The following QPCTL variants were observed in gnomAD, a reference collection of about 807,000 sequenced individuals.
QPCTL encodes glutaminyl-peptide cyclotransferase-like protein.
In QPCTL, 31 loss-of-function variants were observed where a neutral mutation model predicts 34.6. That is an observed-to-expected ratio of 0.90 (90% CI 0.67 to 1.21). The LOEUF (loss-of-function observed/expected upper bound fraction) is 1.21. Ranked by LOEUF, QPCTL falls within the 50% of genes most tolerant of loss-of-function variation. The pLI is 0.00. For missense variants in QPCTL, 474 were observed against 507.8 expected (o/e 0.93, Z 0.64); for synonymous variants, 223 against 226.9 (o/e 0.98, Z 0.15).
At position 45,701,806 on chromosome 19, in the gene QPCTL, C is replaced by A; in HGVS notation, c.895C>A (p.Leu299Met). Residue 299 changes from leucine (L) to methionine (M), a missense_variant, in exon 6 of 7, where the codon CTG (leucine) becomes ATG (methionine). Coordinates refer to ENST00000012049, the MANE Select transcript of QPCTL (RefSeq NM_017659.4). ...FHRLRSIEKRLHRLNLLQSHP... is the reference protein window; with the variant it reads ...FHRLRSIEKRMHRLNLLQSHP... ...ATCGCCCCCACTTCCAGAGAAGCGT[C>A]TGCACCGTTTGAACCTGCTGCAGTC... The A allele has an allele frequency of 6.2e-7, 1 of 1,613,474 alleles. No individual in the cohort carries two copies. Among genetic ancestry groups the A allele is most frequent in the Non-Finnish European group, 8.5e-7 (1 of 1,179,550 alleles).
At chr19:45,697,714 C>G (rs1251340304) in intron 3 of QPCTL, among the ~76,000 whole-genome samples, 1 of 152,164 alleles carries the variant, frequency 6.6e-6, no homozygotes, top group African/African-American at 2.4e-5. Flanking sequence ...TCCCAAAAGA[C>G]CCAACGCCCT....
At position 45,692,772 on chromosome 19, in the gene QPCTL, G is replaced by T. The variant is rs1389359216; in HGVS notation, c.69G>T (p.Leu23Phe). 6.3e-7 allele frequency: 1 copy of T among 1,590,158 alleles called. No individual in the cohort carries two copies. Among genetic ancestry groups the T allele is most frequent in the Non-Finnish European group, 8.6e-7 (1 of 1,168,428 alleles). ...AACGTGGCCTCATGGAGCCACTCTT[G>T]CCGCCGAAGCGCCGCCTGCTACCGC... is the stretch of plus-strand genomic sequence containing the variant. The part of the protein sequence containing the change: ...LGERGLMEPL[L>F]PPKRRLLPRV... The change falls in exon 1 of 7, where the codon TTG (leucine) becomes TTT (phenylalanine). Residue 23 changes from leucine (L) to phenylalanine (F), a missense_variant. By Grantham distance (22) the Leu-to-Phe change is conservative. Coordinates refer to ENST00000012049, the MANE Select transcript of QPCTL (RefSeq NM_017659.4).
rs542846901 is a variant in QPCTL at position 45,693,354 on chromosome 19, G to C, written c.208-59G>C. 4.8e-4 allele frequency: 744 copies of C among 1,545,174 alleles called. 11 individuals are homozygous for C. The South Asian group carries it at 8.4e-3, about 18-fold the overall frequency. The stretch of plus-strand genomic sequence containing the variant: ...CTCGCGGGTGACGGCGCCCGGGGTA[G>C]GGTTGAAATGGGGGGGTTGCTCTCA... On this transcript the variant is annotated intron_variant, in intron 1 of 6. Transcript: ENST00000012049.
intron 6 of QPCTL, 66 bp from the exon 7 acceptor site, chr19:45,702,838 T>G: frequency 1.2e-6 from 2 of 1,600,896 alleles, no homozygotes; most frequent in Non-Finnish European, 8.5e-7. Context: ...ACCTAGAGGT[T>G]GGGCTTGGGC....
rs780479980 is a variant in QPCTL at position 45,695,647 on chromosome 19, G to GCTGTGCC, written c.573_579dup (p.Leu194CysfsTer11). On this transcript the variant is annotated frameshift_variant, in exon 3 of 7. Coordinates refer to ENST00000012049, the MANE Select transcript of QPCTL (RefSeq NM_017659.4). LOFTEE classifies it high-confidence loss of function. ...CCCCTTTGTAGGGGCCACGGATTCG[G>GCTGTGCC]CTGTGCCCTGTGCCCTGCTGCTGGA... is the stretch of plus-strand genomic sequence containing the variant. 6.2e-6 allele frequency: 10 copies of GCTGTGCC among 1,613,876 alleles called. No homozygotes were observed. Among genetic ancestry groups the GCTGTGCC allele is most frequent in the Non-Finnish European group, 7.6e-6 (9 of 1,179,960 alleles).
At chr19:45,698,999 C>T (rs971353386) in intron 5 of QPCTL, 99 bp downstream of exon 5, 12 of 1,033,714 alleles carry the variant, frequency 1.2e-5, no homozygotes, top group Non-Finnish European at 1.4e-5. Context: ...AAAGGCTCAT[C>T]CACCAGTCTG....
chr19:45,700,128 T>TA, intron 5 of QPCTL, among the ~76,000 whole-genome samples: 1 of 150,980 alleles, frequency 6.6e-6, no homozygotes, highest in South Asian at 2.1e-4. Context: ...AAATTAAAAT[T>TA]AAAAAAATTA....
At chr19:45,701,607 A>G (rs1002181467) in intron 5 of QPCTL, among the ~76,000 whole-genome samples, 191 bp from the exon 6 acceptor site, 2 of 152,114 alleles carry the variant, frequency 1.3e-5, no homozygotes, top group Admixed American at 6.6e-5. Context: ...AAGAATGTCT[A>G]TGTCTTAGAC....
intron 3 of QPCTL, among the ~76,000 whole-genome samples, chr19:45,697,206 C>T (rs1020339639): frequency 6.6e-6 from 1 of 151,980 alleles, no homozygotes; most frequent in Non-Finnish European, 1.5e-5. Flanking sequence ...GCAGGTGGAT[C>T]GTGAGGTCAG....
At chr19:45,698,182 G>A (rs1276541018) in intron 3 of QPCTL, among the ~76,000 whole-genome samples, 2 of 151,906 alleles carry the variant, frequency 1.3e-5, no homozygotes, top group African/African-American at 4.8e-5. Context: ...GGTAGGGGGT[G>A]GAGGTTGCAG....
rs752667717 is a variant in QPCTL, at chr19:45,693,363, T to TG, written c.208-43dup. 8.3e-6 allele frequency: 13 copies of TG among 1,560,210 alleles called. No individual in the cohort carries two copies. In the South Asian group the frequency reaches 1.2e-4, roughly 14 times the overall value. The stretch of plus-strand genomic sequence containing the variant: ...GACGGCGCCCGGGGTAGGGTTGAAA[T>TG]GGGGGGGTTGCTCTCATTCTTCCCT... On this transcript the variant is annotated intron_variant, in intron 1 of 6. Coordinates refer to ENST00000012049, the MANE Select transcript of QPCTL (RefSeq NM_017659.4).
chr19:45,693,524 C>G lies in QPCTL; in HGVS notation c.319C>G (p.Pro107Ala), dbSNP rs1302366480. 5 of 1,612,238 alleles carry G rather than the reference C, an allele frequency of 3.1e-6. No homozygotes were observed. The African/African-American group carries it at 6.7e-5, about 22-fold the overall frequency. ...GCGCCCCCTGCTGGTTGTGCGAACCCCGGGCAGCCCGGGAAATCTCCAAGT... is the reference window on the plus strand; with the variant it reads ...GCGCCCCCTGCTGGTTGTGCGAACCGCGGGCAGCCCGGGAAATCTCCAAGT... ...YLRPLLVVRT[P>A]GSPGNLQVRK... The change falls in exon 2 of 7, where the codon CCG (proline) becomes GCG (alanine). Residue 107 changes from proline (P) to alanine (A), a missense_variant. By Grantham distance (27) the Pro-to-Ala change is conservative. Coordinates refer to ENST00000012049, the MANE Select transcript of QPCTL (RefSeq NM_017659.4).
rs747866993 is a variant in QPCTL at position 45,695,406 on chromosome 19, G to A, written c.352-31G>A. The A allele has an allele frequency of 6.1e-5, 65 of 1,067,942 alleles. 1 individual carries two copies. In the East Asian group the frequency reaches 2.2e-3, roughly 36 times the overall value. 66.2% of individuals were successfully genotyped at this position (1,067,942 alleles called of 1,614,324 possible). ...TCTCCCCACCTCCTCCCCAGTCCCCGTCCACCCTCCCACCTCTCTCTTGCC... is the reference window on the plus strand; with the variant it reads ...TCTCCCCACCTCCTCCCCAGTCCCCATCCACCCTCCCACCTCTCTCTTGCC... On this transcript the variant is annotated intron_variant, in intron 2 of 6. Coordinates refer to ENST00000012049, the MANE Select transcript of QPCTL (RefSeq NM_017659.4).
intron 4 of QPCTL, 44 bp from the exon 5 acceptor site, chr19:45,698,757 C>T (rs775510484): frequency 1.1e-5 from 17 of 1,613,012 alleles, no homozygotes; most frequent in East Asian, 4.5e-5. Context: ...GCAGGGCTGG[C>T]GTCATCCTGC....
chr19:45,698,365 A>AAAT (rs1344765016), intron 3 of QPCTL, 182 bp from the exon 4 acceptor site: 2 of 673,660 alleles, frequency 3.0e-6, no homozygotes, highest in Admixed American at 6.0e-5. Context: ...GTTATGAAGC[A>AAAT]GCCAAGTACG....
Position 45,695,678 on chromosome 19 carries a change from C to T in QPCTL, c.593C>T (p.Ala198Val). 6.2e-7 allele frequency: 1 copy of T among 1,613,336 alleles called. No individual in the cohort carries two copies. Among genetic ancestry groups the T allele is most frequent in the Non-Finnish European group, 8.5e-7 (1 of 1,179,916 alleles). Residue 198 changes from alanine to valine, a missense_variant, in exon 3 of 7, where the codon GCC becomes GTC. By Grantham distance (64) the Ala-to-Val change is moderately conservative. Transcript: ENST00000012049. ...CCCTGTGCCCTGCTGCTGGAGCTGG[C>T]CCAAGCACTTGACCTGGAGCTGAGC... ...AVPCALLLEL[A>V]QALDLELSRA...
intron 6 of QPCTL, among the ~76,000 whole-genome samples, chr19:45,702,459 T>C (rs1179064846): frequency 6.9e-6 from 1 of 144,822 alleles, no homozygotes; most frequent in African/African-American, 2.6e-5. Context: ...GGTGATGATA[T>C]CTCAAAAAAA....
At chr19:45,695,034 C>T (rs1056223802) in intron 2 of QPCTL, among the ~76,000 whole-genome samples, 6 of 151,976 alleles carry the variant, frequency 3.9e-5, no homozygotes, top group African/African-American at 1.5e-4. Flanking sequence ...TCTGTAATCC[C>T]AACACTTTGG....
chr19:45,693,572 T>C lies in QPCTL; in HGVS notation c.351+16T>C. On this transcript the variant is annotated intron_variant, in intron 2 of 6. Coordinates refer to ENST00000012049, the MANE Select transcript of QPCTL (RefSeq NM_017659.4). ...AGTCAGAAAGGTAAAGGGACCCACCTCCAGTCCCTGACCCCCTAGCCCTCC... is the reference window on the plus strand; with the variant it reads ...AGTCAGAAAGGTAAAGGGACCCACCCCCAGTCCCTGACCCCCTAGCCCTCC... 1 of 1,599,388 alleles carries C rather than the reference T, an allele frequency of 6.3e-7. No homozygotes were observed. The highest frequency in any genetic ancestry group is 8.5e-7 in the Non-Finnish European group (1 of 1,171,700).
Sources: gnomAD v4.1 joint callset for allele counts (sites outside exome capture counted in the v4.1 genomes callset) on GRCh38, gnomAD v4.1.1 for gene constraint, MANE v1.5 for transcripts, NCBI Gene and HGNC (gene_info 2026-07-23, HGNC 2026-07-21) for gene names.